The following FTO variants were observed in gnomAD, a reference collection of about 807,000 sequenced individuals.
FTO encodes alpha-ketoglutarate-dependent dioxygenase FTO.
A neutral mutation model predicts 63.9 loss-of-function variants in FTO; 47 were observed. That is an observed-to-expected ratio of 0.74 (90% CI 0.58 to 0.94). FTO has a LOEUF of 0.94. FTO is among the 40% of genes least tolerant of loss of function. FTO has a pLI of 0.00. For synonymous variants in FTO, 207 were observed against 224.4 expected, an observed-to-expected ratio of 0.92 and a Z score of 0.69; for missense variants, 562 against 618.1, an observed-to-expected ratio of 0.91 and a Z score of 0.96.
intron 4 of FTO, among the ~76,000 whole-genome samples, chr16:53,862,743 G>A (rs2080212310): frequency 6.6e-6 from 1 of 151,872 alleles, no homozygotes; most frequent in Non-Finnish European, 1.5e-5. Context: ...GTTTCACCAT[G>A]TTGGCAGGGC....
chr16:53,987,592 A>T (rs1171450841), intron 8 of FTO, among the ~76,000 whole-genome samples: 6 of 125,044 alleles, frequency 4.8e-5, no homozygotes, highest in Non-Finnish European at 9.9e-5. Flanking sequence ...CAAAAAAAAA[A>T]AAAAAGAAAA....
intron 8 of FTO, among the ~76,000 whole-genome samples, chr16:54,081,899 G>A (rs566051030): frequency 3.9e-5 from 6 of 152,288 alleles, no homozygotes; most frequent in East Asian, 1.9e-4. Context: ...GAGATGTCAC[G>A]TGGCTCTGGC....
At chr16:54,048,275 A>G (rs2085232114) in intron 8 of FTO, among the ~76,000 whole-genome samples, 1 of 138,922 alleles carries the variant, frequency 7.2e-6, no homozygotes, top group Non-Finnish European at 1.6e-5. Context: ...AAAAAAAAAG[A>G]AGCTAAGATT....
At chr16:53,750,340 C>A (rs1567953911) in intron 1 of FTO, among the ~76,000 whole-genome samples, 1 of 151,868 alleles carries the variant, frequency 6.6e-6, no homozygotes, top group Non-Finnish European at 1.5e-5. Flanking sequence ...CAGGTTCAAG[C>A]AATTCTCCTG....
At position 53,733,030 on chromosome 16, in the gene FTO, C is replaced by G. The variant is rs375677115; in HGVS notation, c.45+28801C>G. Among the ~76,000 whole-genome samples, 118 of 152,330 alleles carry G rather than the reference C, an allele frequency of 7.7e-4. 1 individual carries two copies. In the East Asian group the frequency reaches 0.016, roughly 21 times the overall value. On this transcript the variant is annotated intron_variant, in intron 1 of 8. Coordinates refer to ENST00000471389, the MANE Select transcript of FTO (RefSeq NM_001080432.3). ...GACCTCAAACCATAGAGGGAGCCCC[C>G]CTTTTCTGTCTTTTTAAATTTAACC...
chr16:54,101,381 A>T lies in FTO; in HGVS notation c.1365-10381A>T, dbSNP rs527820445. Among the ~76,000 whole-genome samples the T allele has an allele frequency of 5.9e-4, 90 of 152,188 alleles. 1 individual carries two copies. The highest frequency in any genetic ancestry group is 2.1e-3 in the African/African-American group (86 of 41,522). ...CCACTTAAAAGTGAGAACATGCAGG[A>T]TTTGTTCCAGGGTTAGTTTGCTAAG... On this transcript the variant is annotated intron_variant, in intron 8 of 8. Coordinates refer to ENST00000471389, the MANE Select transcript of FTO (RefSeq NM_001080432.3).
intron 1 of FTO, among the ~76,000 whole-genome samples, chr16:53,715,755 T>C (rs528438792): frequency 6.6e-6 from 1 of 152,344 alleles, no homozygotes; most frequent in South Asian, 2.1e-4. Context: ...TTCATTATAA[T>C]CTCTTTCCAC....
At chr16:53,954,300 G>A (rs892682480) in intron 8 of FTO, among the ~76,000 whole-genome samples, 3 of 152,120 alleles carry the variant, frequency 2.0e-5, no homozygotes, top group Non-Finnish European at 4.4e-5. Flanking sequence ...TTTTAACATG[G>A]CTACCTGTGG....
At position 54,112,214 on chromosome 16, in the gene FTO, G is replaced by A. The variant is rs1324327945; in HGVS notation, c.*299G>A. ...GGCAGGCGACAGGAACGAGCCCAGC[G>A]TGTGACAAAGCCTAACCTACTTTCC... On this transcript the variant is annotated 3_prime_UTR_variant, in exon 9 of 9. Coordinates refer to ENST00000471389, the MANE Select transcript of FTO (RefSeq NM_001080432.3). The A allele has an allele frequency of 1.5e-5, 6 of 407,876 alleles. No individual in the cohort carries two copies. The highest frequency in any genetic ancestry group is 2.3e-5 in the Non-Finnish European group (5 of 216,742). The allele number at this position is 407,876 out of a possible 1,614,324, so 25.3% of individuals were successfully genotyped here.
chr16:54,038,219 G>A (rs2084988935), intron 8 of FTO, among the ~76,000 whole-genome samples: 1 of 152,170 alleles, frequency 6.6e-6, no homozygotes, highest in Admixed American at 6.5e-5. Context: ...ATGTTTTCAA[G>A]CATGAGTAGA....
intron 8 of FTO, among the ~76,000 whole-genome samples, chr16:53,971,779 CTTT>C (rs1408029297): frequency 6.6e-6 from 1 of 152,164 alleles, no homozygotes; most frequent in Admixed American, 6.5e-5. Context: ...AAGAGGGGCT[CTTT>C]TGTGTCTGGT....
chr16:54,104,622 T>G (rs1359707606), intron 8 of FTO, among the ~76,000 whole-genome samples: 1 of 152,222 alleles, frequency 6.6e-6, no homozygotes, highest in African/African-American at 2.4e-5. Context: ...CTGAGGCCTC[T>G]TAAGCCTTGG....
intron 3 of FTO, among the ~76,000 whole-genome samples, chr16:53,831,508 T>A (rs1423324997): frequency 6.6e-6 from 1 of 152,184 alleles, no homozygotes; most frequent in African/African-American, 2.4e-5. Flanking sequence ...TTCATGCCTA[T>A]GCAATTATTT....
At chr16:54,104,843 T>C (rs1220047067) in intron 8 of FTO, among the ~76,000 whole-genome samples, 2 of 152,220 alleles carry the variant, frequency 1.3e-5, no homozygotes, top group African/African-American at 4.8e-5. Context: ...TTTAGAAGTG[T>C]GATGTCTTTC....
intron 8 of FTO, among the ~76,000 whole-genome samples, chr16:54,095,565 A>G (rs767255500): frequency 2.2e-4 from 34 of 151,762 alleles, no homozygotes; most frequent in Middle Eastern, 6.8e-3. Context: ...ATCCTGTCTC[A>G]CTTTTTGCTT....
chr16:53,713,636 T>C (rs1008032919), intron 1 of FTO, among the ~76,000 whole-genome samples: 3 of 152,186 alleles, frequency 2.0e-5, no homozygotes, highest in Non-Finnish European at 4.4e-5. Context: ...CAAACGTTTG[T>C]CCTTGGCATG....
chr16:54,053,761 C>G (rs1599281606), intron 8 of FTO, among the ~76,000 whole-genome samples: 1 of 152,182 alleles, frequency 6.6e-6, no homozygotes, highest in East Asian at 1.9e-4. Context: ...CTCCCCTGCC[C>G]AAACCCCTGC....
chr16:53,856,704 C>T (rs895304307), intron 4 of FTO, among the ~76,000 whole-genome samples: 8 of 124,790 alleles, frequency 6.4e-5, no homozygotes, highest in East Asian at 3.1e-4. Flanking sequence ...GAGCTGAGAT[C>T]GCGCCACTAC....
intron 1 of FTO, among the ~76,000 whole-genome samples, chr16:53,786,928 G>A (rs145850381): frequency 1.3e-5 from 2 of 151,810 alleles, no homozygotes; most frequent in African/African-American, 2.4e-5. Flanking sequence ...TGGCTAACAC[G>A]GTGAAATCCC....
Sources: allele counts gnomAD v4.1 joint callset (sites outside exome capture counted in the v4.1 genomes callset), GRCh38; gene constraint gnomAD v4.1.1; transcripts MANE v1.5; gene names NCBI Gene and HGNC (gene_info 2026-07-23, HGNC 2026-07-21).